MTHFD1: variants seen among roughly 807,000 people sequenced by gnomAD.
MTHFD1 encodes C-1-tetrahydrofolate synthase, cytoplasmic.
In MTHFD1, 44 loss-of-function variants were observed where a neutral mutation model predicts 110.3. The ratio of observed to expected loss-of-function variants is 0.40; its 90% CI spans 0.31 to 0.51. MTHFD1 has a LOEUF of 0.51. Among genes scored for constraint, MTHFD1 ranks in the 20% least tolerant of loss-of-function variants. The pLI is 0.60. For missense variants in MTHFD1, 909 were observed against 1,173.1 expected, an observed-to-expected ratio of 0.77 and a Z score of 3.29; for synonymous variants, 402 against 428.8, an observed-to-expected ratio of 0.94 and a Z score of 0.77.
At chr14:64,427,079 G>A (rs1191375376) in intron 11 of MTHFD1, among the ~76,000 whole-genome samples, 1 of 150,294 alleles carries the variant, frequency 6.7e-6, no homozygotes, top group African/African-American at 2.4e-5. Flanking sequence ...TTTAAGAGAT[G>A]GGGGTTTGCT....
intron 2 of MTHFD1, among the ~76,000 whole-genome samples, chr14:64,406,195 C>A (rs1051495638): frequency 6.6e-6 from 1 of 151,290 alleles, no homozygotes; most frequent in Non-Finnish European, 1.5e-5. Flanking sequence ...TGTTCCACCA[C>A]GCCTGGCTAA....
At chr14:64,430,337 GC>G in intron 13 of MTHFD1, 107 bp downstream of exon 13, 1 of 1,081,202 alleles carries the variant, frequency 9.2e-7, no homozygotes, top group South Asian at 1.3e-5. Context: ...TTGCTCTGTT[GC>G]CCAGAGCTGG....
intron 1 of MTHFD1, among the ~76,000 whole-genome samples, chr14:64,399,676 A>T (rs1191225447): frequency 6.8e-6 from 1 of 146,650 alleles, no homozygotes; most frequent in African/African-American, 2.5e-5. Context: ...AAAAAAAAAA[A>T]GAAAAAAGAA....
rs77202507 is a variant in MTHFD1 at position 64,432,786 on chromosome 14, C to T, written c.1494+925C>T. Among the ~76,000 whole-genome samples, 107 of 152,318 alleles carry T rather than the reference C, an allele frequency of 7.0e-4. 1 individual carries two copies. The East Asian group carries it at 7.9e-3, about 11-fold the overall frequency. On this transcript the variant is annotated intron_variant, in intron 15 of 27. Transcript: ENST00000652337. ...TGTTTTCTTTTTTGAGACAGCGTCTCTCTCTGTAACCCGGCTGGAGTGCAG... is the reference window on the plus strand; with the variant it reads ...TGTTTTCTTTTTTGAGACAGCGTCTTTCTCTGTAACCCGGCTGGAGTGCAG...
chr14:64,440,306 G>A (rs533407211), intron 18 of MTHFD1, 40 bp downstream of exon 18: 8 of 1,613,734 alleles, frequency 5.0e-6, no homozygotes, highest in Admixed American at 3.3e-5. Flanking sequence ...ACATATCTGT[G>A]TCTGTTGTCC....
rs2078088162 is a variant in MTHFD1 at position 64,423,116 on chromosome 14, A to T, written c.728-1688A>T. On this transcript the variant is annotated intron_variant, in intron 8 of 27. Transcript: ENST00000652337. ...ATCTATATTTCCTTGGCATTTTGAA[A>T]TGACTCTAGGGGCTGTAAGAGGAAA... The T allele has an allele frequency of 2.0e-5, 3 of 152,268 alleles. No individual in the cohort carries two copies. In the South Asian group the frequency reaches 6.2e-4, roughly 32 times the overall value. 9.4% of individuals were successfully genotyped at this position (152,268 alleles called of 1,614,324 possible). A position where few individuals can be genotyped will look rare whatever the true frequency, so the allele number is the denominator to read the frequency against.
At chr14:64,425,022 C>T in intron 9 of MTHFD1, 91 bp downstream of exon 9, 2 of 1,478,984 alleles carry the variant, frequency 1.4e-6, no homozygotes, top group East Asian at 2.3e-5. Flanking sequence ...CAAAAACCTA[C>T]TCAGAAGTAA....
At chr14:64,415,585 A>G in intron 5 of MTHFD1, 54 bp from the exon 6 acceptor site, 1 of 1,612,920 alleles carries the variant, frequency 6.2e-7, no homozygotes, top group South Asian at 1.1e-5. Context: ...GTTTCTAAAG[A>G]GTAAAGACAT....
chr14:64,405,984 G>A (rs2077932458), intron 2 of MTHFD1, among the ~76,000 whole-genome samples: 1 of 149,552 alleles, frequency 6.7e-6, no homozygotes, highest in Non-Finnish European at 1.5e-5. Context: ...GTAGACTGAA[G>A]GTAATTTTAT....
Position 64,441,424 on chromosome 14 carries a change from A to G in MTHFD1, c.1855A>G (p.Ile619Val), listed in dbSNP as rs2078245913. The change falls in exon 19 of 28, where the codon ATC becomes GTC. Residue 619 changes from isoleucine to valine, a missense_variant. Ile to Val is a conservative substitution (Grantham distance 29). This residue lies in a region of MTHFD1 where 482 missense variants were observed against 646.0 expected (regional missense o/e 0.75). Transcript: ENST00000652337. ...GALTVLMKDA[I>V]KPNLMQTLEG... ...ACTGACAGTGCTTATGAAGGACGCA[A>G]TCAAGCCCAATCTCATGCAGACACT... 4 of 1,614,054 alleles carry G rather than the reference A, an allele frequency of 2.5e-6. No homozygotes were observed. The highest frequency in any genetic ancestry group is 2.5e-6 in the Non-Finnish European group (3 of 1,179,978).
At chr14:64,408,281 C>CA (rs1460457772) in intron 2 of MTHFD1, among the ~76,000 whole-genome samples, 4 of 127,586 alleles carry the variant, frequency 3.1e-5, no homozygotes, top group African/African-American at 1.1e-4. Flanking sequence ...GAGAAATCAG[C>CA]ATTCTTTTTT....
chr14:64,428,111 T>G (rs1006813167), intron 12 of MTHFD1, among the ~76,000 whole-genome samples: 25 of 144,408 alleles, frequency 1.7e-4, no homozygotes, highest in Non-Finnish European at 3.0e-4. Flanking sequence ...TGTTTTTTTT[T>G]TTTTTTTTTT....
chr14:64,419,716 T>G lies in MTHFD1; in HGVS notation c.616-98T>G, dbSNP rs1488034743. 3.6e-6 allele frequency: 3 copies of G among 834,874 alleles called. No homozygotes were observed. The East Asian group carries it at 7.6e-5, about 21-fold the overall frequency. 51.7% of individuals were successfully genotyped at this position (834,874 alleles called of 1,614,324 possible). On this transcript the variant is annotated intron_variant, in intron 7 of 27. Transcript: ENST00000652337. ...TGAAATAGCTTATGACACTTAAGAA[T>G]TTAATACAAAGCTCAGGGATATCCT...
At chr14:64,394,592 C>T (rs1383992296) in intron 1 of MTHFD1, among the ~76,000 whole-genome samples, 4 of 151,622 alleles carry the variant, frequency 2.6e-5, no homozygotes, top group Non-Finnish European at 5.9e-5. Flanking sequence ...GGGAGACGTA[C>T]TGCTTGGTAT....
At chr14:64,424,272 C>A in intron 8 of MTHFD1, 1 of 174,816 alleles carries the variant, frequency 5.7e-6, no homozygotes, top group Non-Finnish European at 1.2e-5. Context: ...TTCTTGTGTC[C>A]TTTTAAGGGA....
intron 19 of MTHFD1, 74 bp downstream of exon 19, chr14:64,441,527 C>T (rs2078246728): frequency 1.4e-6 from 2 of 1,431,438 alleles, no homozygotes; most frequent in South Asian, 2.3e-5. Flanking sequence ...AGCACACTTG[C>T]AAGGCGCGGT....
chr14:64,406,148 C>T (rs1304029383), intron 2 of MTHFD1, among the ~76,000 whole-genome samples: 5 of 151,438 alleles, frequency 3.3e-5, no homozygotes, highest in Admixed American at 3.3e-4. Context: ...AAGTGATTCT[C>T]CTGCCTCAGC....
At chr14:64,403,591 G>A (rs1013084266) in intron 2 of MTHFD1, among the ~76,000 whole-genome samples, 2 of 74,484 alleles carry the variant, frequency 2.7e-5, no homozygotes, top group Non-Finnish European at 7.1e-5. Flanking sequence ...TTTTTTTGTA[G>A]AGTTTTTTTT....
chr14:64,446,748 T>C (rs1596555191), intron 22 of MTHFD1, among the ~76,000 whole-genome samples: 2 of 152,334 alleles, frequency 1.3e-5, no homozygotes, highest in South Asian at 4.1e-4. Context: ...TTCACCGTGT[T>C]AGCCAGGATG....
Sources: gnomAD v4.1 joint callset for allele counts (sites outside exome capture counted in the v4.1 genomes callset) on GRCh38, gnomAD v4.1.1 for gene constraint, gnomAD v4.1.1 regional missense constraint, MANE v1.5 for transcripts, NCBI Gene and HGNC (gene_info 2026-07-23, HGNC 2026-07-21) for gene names.